Variants in CFAP299 observed in about 807,000 individuals in gnomAD.
CFAP299 encodes cilia- and flagella-associated protein 299.
Under a neutral mutation model 27.0 loss-of-function variants are expected in CFAP299, and 21 were observed. The observed-to-expected ratio is 0.78, with a 90% CI of 0.55 to 1.12. CFAP299 has a LOEUF of 1.12. Ranked by LOEUF, CFAP299 falls within the 50% of genes most tolerant of loss-of-function variation. CFAP299 has a pLI of 0.00. For missense variants in CFAP299, 310 were observed against 276.6 expected (o/e 1.12, Z -0.86); for synonymous variants, 104 against 98.1 (o/e 1.06, Z -0.36).
At chr4:80,842,198 G>A (rs552253251) in intron 3 of CFAP299, among the ~76,000 whole-genome samples, 14 of 152,088 alleles carry the variant, frequency 9.2e-5, no homozygotes, top group Non-Finnish European at 1.9e-4. Context: ...AATATTCATG[G>A]GTTCCCAAGT....
chr4:80,850,694 A>G (rs1731469164), intron 3 of CFAP299, among the ~76,000 whole-genome samples: 1 of 152,082 alleles, frequency 6.6e-6, no homozygotes, highest in Non-Finnish European at 1.5e-5. Context: ...AGTAGCTAAT[A>G]AAAACAGGAG....
chr4:80,399,081 C>T (rs1725989428), intron 2 of CFAP299, among the ~76,000 whole-genome samples: 1 of 152,140 alleles, frequency 6.6e-6, no homozygotes, highest in Non-Finnish European at 1.5e-5. Context: ...CCAGCAGACA[C>T]ATGAAAAAAT....
At position 80,362,841 on chromosome 4, in the gene CFAP299, GC is replaced by G. The variant is rs1723623544; in HGVS notation, c.200del (p.Ala67GlyfsTer3). ...VKREDFEARK[A>X]AIEIARLAER... The stretch of plus-strand genomic sequence containing the variant: ...AAGGGAAGATTTTGAAGCAAGGAAA[GC>G]GGCTATAGAGATTGCAAGACTGGCT... On this transcript the variant is annotated frameshift_variant, in exon 2 of 6. Coordinates refer to ENST00000358105, the MANE Select transcript of CFAP299 (RefSeq NM_152770.3). LOFTEE classifies it high-confidence loss of function. 1 of 1,613,060 alleles carries G rather than the reference GC, an allele frequency of 6.2e-7. No individual in the cohort carries two copies. Among genetic ancestry groups the G allele is most frequent in the Non-Finnish European group, 8.5e-7 (1 of 1,179,768 alleles).
intron 3 of CFAP299, among the ~76,000 whole-genome samples, chr4:80,614,581 A>G (rs558961870): frequency 6.6e-6 from 1 of 152,170 alleles, no homozygotes; most frequent in South Asian, 2.1e-4. Context: ...CCTGCCTCCT[A>G]AAAGGTTGGG....
At chr4:80,646,476 A>T (rs1740015744) in intron 3 of CFAP299, among the ~76,000 whole-genome samples, 1 of 152,174 alleles carries the variant, frequency 6.6e-6, no homozygotes, top group Admixed American at 6.6e-5. Flanking sequence ...ACTACAATTA[A>T]TTCTAATAGA....
chr4:80,835,480 T>TAA (rs75865319), intron 3 of CFAP299, among the ~76,000 whole-genome samples: 1,541 of 143,398 alleles, frequency 0.011, 22 homozygotes, highest in African/African-American at 0.037. Flanking sequence ...GCACCCACAT[T>TAA]AAAAAAAAAA....
chr4:80,803,801 G>T (rs1225721762), intron 3 of CFAP299, among the ~76,000 whole-genome samples: 2 of 151,012 alleles, frequency 1.3e-5, no homozygotes, highest in African/African-American at 4.9e-5. Context: ...TTGTGGTAAG[G>T]TACACATAAC....
chr4:80,742,647 A>G (rs1384139959), intron 3 of CFAP299, among the ~76,000 whole-genome samples: 4 of 152,224 alleles, frequency 2.6e-5, no homozygotes, highest in African/African-American at 9.6e-5. Flanking sequence ...TTGCTAGGTT[A>G]TAAGTGGAGA....
chr4:80,363,722 A>G (rs1380085736), intron 2 of CFAP299, among the ~76,000 whole-genome samples: 1 of 152,212 alleles, frequency 6.6e-6, no homozygotes, highest in Non-Finnish European at 1.5e-5. Context: ...GAAGTTTAAC[A>G]TACTGATATT....
intron 2 of CFAP299, among the ~76,000 whole-genome samples, chr4:80,564,188 A>G (rs1735172743): frequency 6.6e-6 from 1 of 152,052 alleles, no homozygotes; most frequent in African/African-American, 2.4e-5. Context: ...CTACAAGGCT[A>G]ATATTATCCT....
rs539294953 is a variant in CFAP299 at position 80,514,272 on chromosome 4, C to T, written c.243-68821C>T. ...GTAATATGAAACCAAAGTTTGAGCACGGCATCTTAAGGGATCGATATTGCT... is the reference window on the plus strand; with the variant it reads ...GTAATATGAAACCAAAGTTTGAGCATGGCATCTTAAGGGATCGATATTGCT... On this transcript the variant is annotated intron_variant, in intron 2 of 5. Transcript: ENST00000358105. Among the ~76,000 whole-genome samples, 63 of 152,064 alleles carry T rather than the reference C, an allele frequency of 4.1e-4. 3 individuals carry two copies. The South Asian group carries it at 0.011, about 26-fold the overall frequency.
intron 3 of CFAP299, among the ~76,000 whole-genome samples, chr4:80,791,060 C>A (rs79848770): frequency 6.1e-4 from 93 of 151,996 alleles, no homozygotes; most frequent in Non-Finnish European, 8.7e-4. Flanking sequence ...CAAAACAAAG[C>A]AAAATAACCT....
chr4:80,754,671 TATG>T (rs548799206), intron 3 of CFAP299, among the ~76,000 whole-genome samples: 227 of 152,152 alleles, frequency 1.5e-3, no homozygotes, highest in African/African-American at 5.0e-3. Flanking sequence ...GAGTATAAAT[TATG>T]ATTTTTTTCT....
intron 3 of CFAP299, chr4:80,649,340 T>A (rs1740177501): frequency 1.3e-5 from 2 of 152,156 alleles, no homozygotes; most frequent in Non-Finnish European, 2.9e-5. Context: ...AATGACTGGT[T>A]CTGCCTATTG....
intron 2 of CFAP299, among the ~76,000 whole-genome samples, chr4:80,443,045 T>C (rs769372905): frequency 6.6e-6 from 1 of 152,188 alleles, no homozygotes; most frequent in African/African-American, 2.4e-5. Context: ...CAGTAGTTAA[T>C]AGCCTACCAA....
chr4:80,892,329 A>G (rs1339067220), intron 4 of CFAP299, among the ~76,000 whole-genome samples: 1 of 152,186 alleles, frequency 6.6e-6, no homozygotes, highest in Non-Finnish European at 1.5e-5. Context: ...CTAGATTCTT[A>G]TCTCTCACTG....
At chr4:80,594,035 A>G (rs1736922771) in intron 3 of CFAP299, among the ~76,000 whole-genome samples, 1 of 152,182 alleles carries the variant, frequency 6.6e-6, no homozygotes, top group Non-Finnish European at 1.5e-5. Flanking sequence ...TGTTCAGTCT[A>G]TTAACTTTAA....
chr4:80,633,364 G>A (rs1739315624), intron 3 of CFAP299, among the ~76,000 whole-genome samples: 1 of 152,230 alleles, frequency 6.6e-6, no homozygotes, highest in South Asian at 2.1e-4. Flanking sequence ...GCTTGAAGCT[G>A]GGAGGAGGAG....
chr4:80,489,467 C>T (rs1035331164), intron 2 of CFAP299, among the ~76,000 whole-genome samples: 18 of 151,902 alleles, frequency 1.2e-4, no homozygotes, highest in East Asian at 1.9e-4. Flanking sequence ...TCACAGAAGA[C>T]GAGATAATAT....
Sources: allele counts gnomAD v4.1 joint callset (sites outside exome capture counted in the v4.1 genomes callset), GRCh38; gene constraint gnomAD v4.1.1; transcripts MANE v1.5; gene names NCBI Gene and HGNC (gene_info 2026-07-23, HGNC 2026-07-21).